The following CADPS2 variants were observed in gnomAD, a reference collection of about 807,000 sequenced individuals.
The protein encoded by CADPS2 is calcium-dependent secretion activator 2.
Under a neutral mutation model 172.5 loss-of-function variants are expected in CADPS2, and 93 were observed. The observed-to-expected ratio is 0.54, with a 90% CI of 0.46 to 0.64. CADPS2 has a LOEUF of 0.64. Ranked by LOEUF, CADPS2 falls within the 30% of genes least tolerant of loss-of-function variation. The pLI, the probability that CADPS2 is intolerant of heterozygous loss-of-function variation, is 0.00. For missense variants in CADPS2, 1,420 were observed against 1,565.9 expected (o/e 0.91, Z 1.57); for synonymous variants, 546 against 555.2 (o/e 0.98, Z 0.23).
intron 7 of CADPS2, among the ~76,000 whole-genome samples, chr7:122,556,478 A>G (rs2065044892): frequency 6.6e-6 from 1 of 152,102 alleles, no homozygotes; most frequent in Non-Finnish European, 1.5e-5. Flanking sequence ...CTATGTTTAT[A>G]TAAAAATTGG....
intron 7 of CADPS2, 57 bp from the exon 8 acceptor site, chr7:122,554,746 G>C: frequency 1.5e-6 from 2 of 1,377,728 alleles, no homozygotes; most frequent in Middle Eastern, 2.0e-4. Flanking sequence ...CTATGGGTTG[G>C]AACTAAAATA....
intron 1 of CADPS2, among the ~76,000 whole-genome samples, chr7:122,791,516 G>A (rs1381749126): frequency 2.0e-5 from 3 of 152,240 alleles, no homozygotes; most frequent in Middle Eastern, 3.4e-3. Flanking sequence ...CATAATAGCT[G>A]CCCATTAACA....
intron 9 of CADPS2, among the ~76,000 whole-genome samples, chr7:122,493,749 A>T (rs75151228): frequency 0.041 from 5,534 of 135,246 alleles, 149 homozygotes; most frequent in African/African-American, 0.067. Context: ...GCCAATTTTG[A>T]TGAGTGGGAA....
intron 20 of CADPS2, among the ~76,000 whole-genome samples, chr7:122,403,080 T>A (rs1198223354): frequency 2.0e-5 from 3 of 152,232 alleles, no homozygotes; most frequent in African/African-American, 7.2e-5. Context: ...ACATTTGAAT[T>A]GAATTCACTA....
At chr7:122,660,681 C>A (rs55833580) in intron 3 of CADPS2, among the ~76,000 whole-genome samples, 1 of 151,566 alleles carries the variant, frequency 6.6e-6, no homozygotes, top group South Asian at 2.1e-4. Flanking sequence ...GAGGCCGAGG[C>A]GGGCGGATCA....
chr7:122,413,140 G>C (rs1212183140), intron 19 of CADPS2: 1 of 152,366 alleles, frequency 6.6e-6, no homozygotes, highest in Non-Finnish European at 1.5e-5. Flanking sequence ...TGTGTGTGGA[G>C]GGGGGCATAC....
intron 2 of CADPS2, among the ~76,000 whole-genome samples, chr7:122,690,943 G>A (rs1039149680): frequency 6.6e-6 from 1 of 152,112 alleles, no homozygotes; most frequent in African/African-American, 2.4e-5. Context: ...TAGGAATGGG[G>A]GGATACCATT....
At chr7:122,364,726 CAA>C (rs376223248) in intron 25 of CADPS2, among the ~76,000 whole-genome samples, 7 of 137,274 alleles carry the variant, frequency 5.1e-5, no homozygotes, top group Non-Finnish European at 3.2e-5. Flanking sequence ...GACTCCATCT[CAA>C]AAAAAAAAAA....
chr7:122,455,142 A>G (rs1005061663), intron 14 of CADPS2, among the ~76,000 whole-genome samples: 4 of 152,106 alleles, frequency 2.6e-5, no homozygotes, highest in African/African-American at 4.8e-5. Flanking sequence ...CACTCAAGCC[A>G]TGCTGGCCTC....
intron 8 of CADPS2, among the ~76,000 whole-genome samples, chr7:122,520,370 A>G (rs2060691642): frequency 6.6e-6 from 1 of 151,934 alleles, no homozygotes; most frequent in African/African-American, 2.4e-5. Flanking sequence ...ATTCATATGT[A>G]ATATTCTGAT....
At chr7:122,388,492 T>C in intron 23 of CADPS2, 91 bp downstream of exon 23, 7 of 1,268,020 alleles carry the variant, frequency 5.5e-6, no homozygotes, top group Non-Finnish European at 7.4e-6. Context: ...AATGAAACCT[T>C]TGCTGTGACA....
At chr7:122,782,524 T>C (rs1270092917) in intron 1 of CADPS2, among the ~76,000 whole-genome samples, 1 of 152,126 alleles carries the variant, frequency 6.6e-6, no homozygotes, top group Admixed American at 6.5e-5. Flanking sequence ...GGTGGGAGAA[T>C]CATTTGAACC....
At chr7:122,498,088 C>T (rs1413509537) in intron 9 of CADPS2, among the ~76,000 whole-genome samples, 1 of 152,160 alleles carries the variant, frequency 6.6e-6, no homozygotes, top group Non-Finnish European at 1.5e-5. Context: ...GCTGGGATTA[C>T]AGGCATTTGC....
chr7:122,838,600 G>T (rs1253072764), intron 1 of CADPS2, among the ~76,000 whole-genome samples: 10 of 152,182 alleles, frequency 6.6e-5, no homozygotes, highest in Admixed American at 6.5e-4. Flanking sequence ...CAAAATCAAT[G>T]TGCAAAAATC....
At chr7:122,815,981 A>T (rs1226921347) in intron 1 of CADPS2, among the ~76,000 whole-genome samples, 3 of 152,182 alleles carry the variant, frequency 2.0e-5, no homozygotes, top group African/African-American at 7.2e-5. Flanking sequence ...GGTAATTAGG[A>T]TATCCATCAT....
intron 25 of CADPS2, 35 bp downstream of exon 25, chr7:122,379,333 C>T: frequency 1.5e-6 from 2 of 1,355,370 alleles, no homozygotes; most frequent in Admixed American, 4.3e-5. Flanking sequence ...CAATTTTTCA[C>T]TTTGATTTAA....
chr7:122,530,339 G>C (rs1006198650), intron 8 of CADPS2, among the ~76,000 whole-genome samples: 1 of 143,862 alleles, frequency 7.0e-6, no homozygotes, highest in African/African-American at 2.6e-5. Flanking sequence ...TTTCCCACTA[G>C]CTTTCAAGTT....
chr7:122,649,424 C>A (rs1295792367), intron 3 of CADPS2, among the ~76,000 whole-genome samples: 1 of 152,200 alleles, frequency 6.6e-6, no homozygotes, highest in Non-Finnish European at 1.5e-5. Context: ...GATGTGACCA[C>A]AGGACAAAGT....
chr7:122,333,866 T>C (rs1281162676), intron 28 of CADPS2, among the ~76,000 whole-genome samples: 1 of 150,172 alleles, frequency 6.7e-6, no homozygotes, highest in Admixed American at 6.7e-5. Context: ...ACTGCATGCA[T>C]TTAAATATTT....
Sources: allele counts gnomAD v4.1 joint callset (sites outside exome capture counted in the v4.1 genomes callset), GRCh38; gene constraint gnomAD v4.1.1; transcripts MANE v1.5; gene names NCBI Gene and HGNC (gene_info 2026-07-23, HGNC 2026-07-21).